The following TENM2 variants were observed in gnomAD, a reference collection of about 807,000 sequenced individuals.
The protein encoded by TENM2 is teneurin transmembrane protein 2, also known as teneurin-2.
TENM2 carries 52 observed loss-of-function variants against 245.2 expected under a neutral mutation model. That is an observed-to-expected ratio of 0.21 (90% CI 0.17 to 0.27). TENM2 has a LOEUF of 0.27. TENM2 is among the 10% of genes least tolerant of loss of function. The probability of loss-of-function intolerance (pLI) is 1.00; values close to 1 mark genes in which losing one functional copy is unlikely to be tolerated. For missense variants in TENM2, 3,046 were observed against 3,666.8 expected (o/e 0.83, Z 4.37); for synonymous variants, 1,363 against 1,438.9 (o/e 0.95, Z 1.19).
At chr5:167,282,498 T>C (rs553635909), upstream of TENM2, among the ~76,000 whole-genome samples, 15 of 152,354 alleles carry the variant, frequency 9.8e-5, no homozygotes, top group African/African-American at 3.6e-4. Flanking sequence ...TGAGCCCCTA[T>C]GATGTGTTAG....
chr5:167,137,982 C>G, the TENM2 span, among the ~76,000 whole-genome samples: 1 of 152,162 alleles, frequency 6.6e-6, no homozygotes, highest in African/African-American at 2.4e-5. Flanking sequence ...AAAATAAAGT[C>G]TATCTATATT....
At chr5:167,967,764 A>G (rs567009869) in intron 4 of TENM2, among the ~76,000 whole-genome samples, 57 of 152,346 alleles carry the variant, frequency 3.7e-4, no homozygotes, top group African/African-American at 1.3e-3. Flanking sequence ...CTCTGGGGTT[A>G]AGTTCACAGT....
At chr5:167,297,000 C>T (rs1457686295) in intron 1 of TENM2, among the ~76,000 whole-genome samples, 1 of 152,176 alleles carries the variant, frequency 6.6e-6, no homozygotes, top group Admixed American at 6.5e-5. Context: ...TCACCCAAGA[C>T]CAATTAAATC....
intron 3 of TENM2, among the ~76,000 whole-genome samples, chr5:167,929,142 G>A (rs1778085942): frequency 6.9e-6 from 1 of 144,722 alleles, no homozygotes; most frequent in Admixed American, 6.9e-5. Flanking sequence ...AAGAAAGAAG[G>A]GAGGGAGGGA....
At chr5:167,612,592 G>C (rs1201314376) in intron 2 of TENM2, among the ~76,000 whole-genome samples, 1 of 152,104 alleles carries the variant, frequency 6.6e-6, no homozygotes, top group Non-Finnish European at 1.5e-5. Context: ...ATGTCAAATT[G>C]AGATTTGAAA....
intron 5 of TENM2, among the ~76,000 whole-genome samples, chr5:168,032,762 G>A (rs1787255922): frequency 1.3e-5 from 2 of 152,154 alleles, no homozygotes; most frequent in South Asian, 4.1e-4. Context: ...TTCCTCAGCC[G>A]CTGGTGTTTT....
intron 2 of TENM2, among the ~76,000 whole-genome samples, chr5:167,570,600 G>T (rs556009116): frequency 1.1e-4 from 16 of 151,574 alleles, no homozygotes; most frequent in African/African-American, 3.7e-4. Flanking sequence ...AAGGGGAAAG[G>T]CGGTGTTACG....
intron 5 of TENM2, among the ~76,000 whole-genome samples, chr5:168,021,858 A>T (rs543341393): frequency 4.1e-4 from 62 of 151,712 alleles, no homozygotes; most frequent in Non-Finnish European, 8.4e-4. Context: ...CAGAGTTGTG[A>T]CCTATCCAAT....
chr5:167,755,077 C>A, intron 2 of TENM2: 2 of 1,598,836 alleles, frequency 1.3e-6, no homozygotes, highest in South Asian at 1.1e-5. Context: ...CTCTCCTGAT[C>A]ATTAGCGTTG....
At chr5:167,632,155 C>T (rs981971427) in intron 2 of TENM2, among the ~76,000 whole-genome samples, 1 of 152,146 alleles carries the variant, frequency 6.6e-6, no homozygotes, top group Admixed American at 6.5e-5. Context: ...CCCAGCCTCT[C>T]AGCGACCCAG....
At chr5:167,924,928 C>T (rs1777636084) in intron 3 of TENM2, among the ~76,000 whole-genome samples, 1 of 152,318 alleles carries the variant, frequency 6.6e-6, no homozygotes, top group South Asian at 2.1e-4. Context: ...ACATACTCTA[C>T]ATGTGGTAGG....
the TENM2 span, among the ~76,000 whole-genome samples, chr5:167,274,702 A>G: frequency 4.6e-5 from 7 of 151,474 alleles, no homozygotes; most frequent in Non-Finnish European, 8.8e-5. Flanking sequence ...TAGCTATTAT[A>G]ATAGGTTTGT....
the TENM2 span, among the ~76,000 whole-genome samples, chr5:167,089,075 G>A: frequency 6.6e-6 from 1 of 152,162 alleles, no homozygotes; most frequent in East Asian, 1.9e-4. Context: ...TGAAACAAAT[G>A]GAAAGTCTTC....
chr5:167,454,036 C>T (rs1025536376), intron 2 of TENM2, among the ~76,000 whole-genome samples: 4 of 152,112 alleles, frequency 2.6e-5, no homozygotes, highest in African/African-American at 7.2e-5. Context: ...ATCAAAATCA[C>T]TTTTGAATCA....
chr5:167,273,250 G>A, the TENM2 span, among the ~76,000 whole-genome samples: 2 of 152,140 alleles, frequency 1.3e-5, no homozygotes, highest in Non-Finnish European at 2.9e-5. Context: ...GGGCGGAAAT[G>A]TGGAATGTAA....
rs191820851 is a variant in TENM2, at chr5:167,919,255, G to T, written c.713-33333G>T. Among the ~76,000 whole-genome samples the T allele has an allele frequency of 2.4e-4, 37 of 152,200 alleles. 1 individual carries two copies. The East Asian group carries it at 6.0e-3, about 25-fold the overall frequency. On this transcript the variant is annotated intron_variant, in intron 3 of 28. Transcript: ENST00000518659. ...CACAGAGGAGCAGTCATTTTGCACC[G>T]CCATCCGCCTACAGAGGTTGTGCTG...
chr5:167,495,813 G>A (rs947512044), intron 2 of TENM2, among the ~76,000 whole-genome samples: 4 of 151,920 alleles, frequency 2.6e-5, no homozygotes, highest in African/African-American at 9.7e-5. Flanking sequence ...AGTCAATAAA[G>A]GTTTAAATGT....
At chr5:168,008,270 A>G (rs1784975187) in intron 5 of TENM2, among the ~76,000 whole-genome samples, 1 of 152,198 alleles carries the variant, frequency 6.6e-6, no homozygotes, top group South Asian at 2.1e-4. Flanking sequence ...AGCCAGAATT[A>G]ATAGGGTGTT....
At chr5:167,222,634 A>G in the TENM2 span, among the ~76,000 whole-genome samples, 1 of 152,274 alleles carries the variant, frequency 6.6e-6, no homozygotes, top group Non-Finnish European at 1.5e-5. Context: ...TACAGCACCT[A>G]TGATTCTCTC....
Sources: gnomAD v4.1 joint callset for allele counts (sites outside exome capture counted in the v4.1 genomes callset) on GRCh38, gnomAD v4.1.1 for gene constraint, MANE v1.5 for transcripts, NCBI Gene and HGNC (gene_info 2026-07-23, HGNC 2026-07-21) for gene names.